FNTB: variants seen among roughly 807,000 people sequenced by gnomAD.
FNTB encodes the protein protein farnesyltransferase subunit beta.
Under a neutral mutation model 59.4 loss-of-function variants are expected in FNTB, and 27 were observed. The observed-to-expected ratio is 0.45, with a 90% CI of 0.34 to 0.63. FNTB has a LOEUF of 0.63. FNTB is among the 20% of genes least tolerant of loss of function. The probability of loss-of-function intolerance (pLI) is 0.02; values close to 1 mark genes in which losing one functional copy is unlikely to be tolerated. For synonymous variants in FNTB, 230 were observed against 220.7 expected (o/e 1.04, Z -0.37); for missense variants, 449 against 559.6 (o/e 0.80, Z 1.99).
At chr14:65,060,978 G>A (rs1439836615) in intron 11 of FNTB, among the ~76,000 whole-genome samples, 7 of 150,882 alleles carry the variant, frequency 4.6e-5, no homozygotes, top group Admixed American at 1.3e-4. Flanking sequence ...ATTTAAATGC[G>A]TGTTTATAAT....
intron 9 of FNTB, among the ~76,000 whole-genome samples, chr14:65,050,570 G>A (rs548602519): frequency 3.2e-4 from 49 of 152,290 alleles, no homozygotes; most frequent in African/African-American, 1.1e-3. Context: ...CAGCCTGGGC[G>A]ACAGAGCAAG....
At chr14:65,033,595 C>T (rs992721652) in intron 7 of FNTB, among the ~76,000 whole-genome samples, 4 of 152,124 alleles carry the variant, frequency 2.6e-5, no homozygotes, top group South Asian at 2.1e-4. Context: ...CGGTGGCTCA[C>T]GCCTGTAATT....
intron 2 of FNTB, among the ~76,000 whole-genome samples, chr14:65,006,908 C>T (rs1036678739): frequency 6.6e-6 from 1 of 152,006 alleles, no homozygotes; most frequent in Non-Finnish European, 1.5e-5. Flanking sequence ...GGAGTGAAAT[C>T]CCCTGATTCA....
intron 4 of FNTB, among the ~76,000 whole-genome samples, chr14:65,020,305 G>T (rs1200844119): frequency 6.6e-6 from 1 of 152,238 alleles, no homozygotes; most frequent in Non-Finnish European, 1.5e-5. Flanking sequence ...TAGAGACAGT[G>T]CCTTGCTGTG....
rs767462240 is a variant in FNTB, at chr14:65,005,461, CTT to C, written c.209+1150_209+1151del. On this transcript the variant is annotated intron_variant, in intron 2 of 11. Transcript: ENST00000246166. The stretch of plus-strand genomic sequence containing the variant: ...TTCTCTTCCTTTCTTTTCTTTCTTT[CTT>C]TCTTTCTTTCTTTCTTTCTTTCTTT... 4.5e-5 allele frequency among the ~76,000 whole-genome samples: 5 copies of C among 111,824 alleles called. No homozygotes were observed. The Admixed American group carries it at 5.0e-4, about 11-fold the overall frequency. The allele number at this position is 111,824 out of a possible 152,430, so 73.4% of individuals were successfully genotyped here. A position where few individuals can be genotyped will look rare whatever the true frequency, so the allele number is the denominator to read the frequency against.
chr14:64,995,915 G>T (rs1328854298), intron 1 of FNTB, among the ~76,000 whole-genome samples: 1 of 151,338 alleles, frequency 6.6e-6, no homozygotes, highest in Non-Finnish European at 1.5e-5. Context: ...CGAATCTCCT[G>T]AGGTTGAGAC....
chr14:65,005,507 TTCTTTCTCTCTC>T (rs2061571856), intron 2 of FNTB, among the ~76,000 whole-genome samples: 1 of 86,118 alleles, frequency 1.2e-5, no homozygotes, highest in Non-Finnish European at 2.2e-5. Flanking sequence ...CTTTCTTTCT[TTCTTTCTCTCTC>T]TCTTTCTCTT....
chr14:65,020,584 C>G (rs1441875901), intron 4 of FNTB, among the ~76,000 whole-genome samples: 1 of 152,050 alleles, frequency 6.6e-6, no homozygotes, highest in African/African-American at 2.4e-5. Context: ...CAGGCGGGAG[C>G]CACCACACCC....
In FNTB at chr14:65,014,329, T is replaced by C. The variant is rs1436796766; in HGVS notation, c.283-1296T>C. ...GCATTTTGCCTTTGGAAGCCTTTCC[T>C]AGCTCCCCAGGCAGAATTAGTCAGT... On this transcript the variant is annotated intron_variant, in intron 3 of 11. Transcript: ENST00000246166. The surrounding 1 kb of genome is among the most constrained non-coding windows in gnomAD (Gnocchi z 5.1). Among the ~76,000 whole-genome samples, 1 of 152,212 alleles carries C rather than the reference T, an allele frequency of 6.6e-6. No individual in the cohort carries two copies. Among genetic ancestry groups the C allele is most frequent in the African/African-American group, 2.4e-5 (1 of 41,464 alleles).
At chr14:65,057,576 A>AGG (rs2062765793) in intron 11 of FNTB, among the ~76,000 whole-genome samples, 1 of 152,234 alleles carries the variant, frequency 6.6e-6, no homozygotes, top group African/African-American at 2.4e-5. Context: ...AGACAAAAGG[A>AGG]GGCACACATT....
At position 65,031,522 on chromosome 14, in the gene FNTB, T is replaced by C. The variant is rs1004622124; in HGVS notation, c.606-1088T>C. ...TAGTGGAGACGGGGTTTCGCAATAT[T>C]GGTCAGGTTGGTCTTGAACTCCTGG... On this transcript the variant is annotated intron_variant, in intron 6 of 11. Transcript: ENST00000246166. The surrounding 1 kb of genome is among the most constrained non-coding windows in gnomAD (Gnocchi z 4.6). Among the ~76,000 whole-genome samples the C allele has an allele frequency of 5.3e-5, 8 of 151,756 alleles. No individual in the cohort carries two copies. Among genetic ancestry groups the C allele is most frequent in the African/African-American group, 1.9e-4 (8 of 41,336 alleles).
chr14:65,027,634 G>A lies in FNTB; in HGVS notation c.521+35G>A. 6.2e-7 allele frequency: 1 copy of A among 1,614,050 alleles called. No homozygotes were observed. The highest frequency in any genetic ancestry group is 8.5e-7 in the Non-Finnish European group (1 of 1,179,960). On this transcript the variant is annotated intron_variant, in intron 5 of 11. Coordinates refer to ENST00000246166, the MANE Select transcript of FNTB (RefSeq NM_002028.4). The surrounding 1 kb of genome is among the most constrained non-coding windows in gnomAD (Gnocchi z 5.7). ...AAGCCAGCAGTGACAGAAACCTAGA[G>A]GAGTTCCCCGCCTGCTGACACGCAC...
chr14:65,053,979 T>C (rs534757528), intron 10 of FNTB, among the ~76,000 whole-genome samples: 14 of 152,318 alleles, frequency 9.2e-5, no homozygotes, highest in Admixed American at 7.8e-4. Flanking sequence ...TGGAGAGCCC[T>C]TTCCAGAAGA....
At chr14:64,995,518 AC>A (rs1888359730) in intron 1 of FNTB, among the ~76,000 whole-genome samples, 1 of 152,034 alleles carries the variant, frequency 6.6e-6, no homozygotes, top group African/African-American at 2.4e-5. Context: ...AAGCTGTGTT[AC>A]TAGGCTGTAG....
intron 1 of FNTB, chr14:64,987,681 C>G (rs72625656): frequency 0.066 from 10,223 of 154,650 alleles, 599 homozygotes; most frequent in East Asian, 0.3. Flanking sequence ...CAGCTCCTGA[C>G]CAGGAGCCTG....
At chr14:64,989,868 T>C (rs1451075365) in intron 1 of FNTB, among the ~76,000 whole-genome samples, 2 of 152,168 alleles carry the variant, frequency 1.3e-5, no homozygotes, top group African/African-American at 2.4e-5. Flanking sequence ...TATAAAATGT[T>C]AATTAGAAAC....
chr14:65,046,552 G>A (rs2062483610), intron 9 of FNTB, among the ~76,000 whole-genome samples: 1 of 152,186 alleles, frequency 6.6e-6, no homozygotes, highest in African/African-American at 2.4e-5. Flanking sequence ...GGAAAAGGGT[G>A]CCTATGAATC....
intron 4 of FNTB, among the ~76,000 whole-genome samples, chr14:65,026,265 T>G (rs1439735378): frequency 6.6e-6 from 1 of 152,188 alleles, no homozygotes; most frequent in Non-Finnish European, 1.5e-5. Flanking sequence ...CCCTTTCTGG[T>G]GCACTTCGGA....
In FNTB at chr14:65,054,474, G is replaced by C. The variant is rs934403610; in HGVS notation, c.1068-101G>C. 4.2e-6 allele frequency: 5 copies of C among 1,184,614 alleles called. No homozygotes were observed. The highest frequency in any genetic ancestry group is 4.2e-5 in the Admixed American group (2 of 47,736). The allele number at this position is 1,184,614 out of a possible 1,614,324, so 73.4% of individuals were successfully genotyped here. ...CCTCTAGCCACATGGAGGATGGGGG[G>C]GGACGTGTGATTGCACCAGTGGTCT... On this transcript the variant is annotated intron_variant, in intron 10 of 11. Coordinates refer to ENST00000246166, the MANE Select transcript of FNTB (RefSeq NM_002028.4). This position sits in a 1 kb window ranked among gnomAD's most constrained non-coding sequence, Gnocchi z 4.4.
Sources: gnomAD v4.1 joint callset for allele counts (sites outside exome capture counted in the v4.1 genomes callset) on GRCh38, gnomAD v4.1.1 for gene constraint, Gnocchi (gnomAD v3.1) non-coding constraint, MANE v1.5 for transcripts, NCBI Gene and HGNC (gene_info 2026-07-23, HGNC 2026-07-21) for gene names.